Variants in ESRRG observed in about 807,000 individuals in gnomAD.
ESRRG encodes the protein estrogen-related receptor gamma.
ESRRG carries 13 observed loss-of-function variants against 44.0 expected under a neutral mutation model. The ratio of observed to expected loss-of-function variants is 0.30; its 90% confidence interval spans 0.19 to 0.47. The LOEUF is 0.47. Ranked by LOEUF, ESRRG falls within the 20% of genes least tolerant of loss-of-function variation. ESRRG has a pLI of 1.00. For synonymous variants in ESRRG, 215 were observed against 214.6 expected (o/e 1.00, Z -0.02); for missense variants, 395 against 580.6 (o/e 0.68, Z 3.29).
chr1:216,996,171 T>C (rs2150577622), intron 1 of ESRRG, among the ~76,000 whole-genome samples: 1 of 152,236 alleles, frequency 6.6e-6, no homozygotes, highest in East Asian at 1.9e-4. Flanking sequence ...GGGGGAATAG[T>C]CTAGGATAAT....
intron 2 of ESRRG, among the ~76,000 whole-genome samples, chr1:216,901,762 T>G (rs1451551809): frequency 2.0e-5 from 3 of 151,732 alleles, no homozygotes; most frequent in Non-Finnish European, 4.4e-5. Context: ...TACTGATACT[T>G]CTTTTATTTT....
chr1:216,765,318 T>C (rs2093020631), intron 2 of ESRRG, among the ~76,000 whole-genome samples: 1 of 151,930 alleles, frequency 6.6e-6, no homozygotes. Context: ...ATAATGGCTC[T>C]ATTTACTGAA....
intron 3 of ESRRG, among the ~76,000 whole-genome samples, chr1:216,604,734 C>T (rs2059699156): frequency 6.6e-6 from 1 of 152,202 alleles, no homozygotes; most frequent in Admixed American, 6.5e-5. Flanking sequence ...TAATACCTAG[C>T]ATTCACGCCC....
intron 1 of ESRRG, among the ~76,000 whole-genome samples, chr1:217,024,485 C>T (rs2080887316): frequency 6.6e-6 from 1 of 152,100 alleles, no homozygotes; most frequent in Non-Finnish European, 1.5e-5. Context: ...TCACCCCCTC[C>T]ACAGCCACCC....
intron 2 of ESRRG, among the ~76,000 whole-genome samples, chr1:216,838,723 GT>G (rs1559824328): frequency 1.3e-5 from 2 of 152,188 alleles, no homozygotes; most frequent in African/African-American, 4.8e-5. Context: ...AGTCAAGTGA[GT>G]TACAGGAATT....
At chr1:216,558,868 TTGTTTTTTTG>T (rs1390592951) in intron 5 of ESRRG, among the ~76,000 whole-genome samples, 4 of 151,968 alleles carry the variant, frequency 2.6e-5, no homozygotes, top group African/African-American at 9.7e-5. Context: ...TTTTTGTTTT[TTGTTTTTTTG>T]TTTTTTTTGC....
chr1:216,722,169 T>C (rs2086483204), intron 1 of ESRRG, among the ~76,000 whole-genome samples: 1 of 152,238 alleles, frequency 6.6e-6, no homozygotes, highest in African/African-American at 2.4e-5. Flanking sequence ...TAGAGTTTGA[T>C]ATTTTCTTCA....
At chr1:217,113,182 C>CT (rs2092679398) in intron 1 of ESRRG, among the ~76,000 whole-genome samples, 1 of 152,226 alleles carries the variant, frequency 6.6e-6, no homozygotes, top group East Asian at 1.9e-4. Flanking sequence ...CAGACATGGG[C>CT]TTTTTTCTGT....
At position 216,568,381 on chromosome 1, in the gene ESRRG, T is replaced by C. The variant is rs531269608; in HGVS notation, c.590-283A>G. Among the ~76,000 whole-genome samples, 6 of 152,336 alleles carry C rather than the reference T, an allele frequency of 3.9e-5. No individual in the cohort carries two copies. The East Asian group carries it at 9.7e-4, about 25-fold the overall frequency. ...AAAGGCAGATTTCCATGTAGATTAA[T>C]ACAAAGAAGCCGCTATTTGGTGCTA... On this transcript the variant is annotated intron_variant, in intron 3 of 6. Transcript: ENST00000408911.
At chr1:216,685,399 T>C (rs1160392991) in intron 1 of ESRRG, among the ~76,000 whole-genome samples, 1 of 152,246 alleles carries the variant, frequency 6.6e-6, no homozygotes, top group East Asian at 1.9e-4. Context: ...CTCCTACTTC[T>C]ACAAATCTCT....
chr1:216,796,407 A>T (rs1462576302), intron 2 of ESRRG, among the ~76,000 whole-genome samples: 1 of 152,152 alleles, frequency 6.6e-6, no homozygotes, highest in Non-Finnish European at 1.5e-5. Context: ...CTCAATAGCA[A>T]CAACAACAAT....
intron 2 of ESRRG, among the ~76,000 whole-genome samples, chr1:216,792,476 A>G (rs936861172): frequency 6.6e-6 from 1 of 152,174 alleles, no homozygotes; most frequent in African/African-American, 2.4e-5. Flanking sequence ...CGATTGCTTC[A>G]AAAACAACTA....
chr1:217,054,030 G>GAA lies in ESRRG; in HGVS notation c.-106+35475_-106+35476dup, dbSNP rs34225711. ...GCTGACATGTTTGGTTTTGAGCTCT[G>GAA]AAAAAAAAAAAAAGCCTCACTGGAA... On this transcript the variant is annotated intron_variant, in intron 1 of 7. Transcript: ENST00000359162. Among the ~76,000 whole-genome samples, 216 of 133,902 alleles carry GAA rather than the reference G, an allele frequency of 1.6e-3. 2 individuals are homozygous for GAA. The highest frequency in any genetic ancestry group is 2.8e-3 in the Non-Finnish European group (174 of 62,276). 87.8% of individuals were successfully genotyped at this position (133,902 alleles called of 152,430 possible). A position where few individuals can be genotyped will look rare whatever the true frequency, so the allele number is the denominator to read the frequency against.
At chr1:217,051,772 CT>C (rs1417707816) in intron 1 of ESRRG, among the ~76,000 whole-genome samples, 1 of 152,042 alleles carries the variant, frequency 6.6e-6, no homozygotes, top group Admixed American at 6.6e-5. Context: ...CCCCATACTC[CT>C]TTTTTTAAAG....
intron 1 of ESRRG, among the ~76,000 whole-genome samples, chr1:216,690,942 T>C (rs1316959331): frequency 6.6e-6 from 1 of 152,212 alleles, no homozygotes; most frequent in South Asian, 2.1e-4. Context: ...TAAAAACTTA[T>C]AAAATCCTTG....
intron 3 of ESRRG, among the ~76,000 whole-genome samples, chr1:216,595,572 G>C (rs568769852): frequency 1.8e-3 from 281 of 152,134 alleles, no homozygotes; most frequent in African/African-American, 6.6e-3. Context: ...TCTCGGAAAG[G>C]GTGCAGCACA....
At chr1:216,985,697 G>C (rs542622846) in intron 1 of ESRRG, 1 of 152,242 alleles carries the variant, frequency 6.6e-6, no homozygotes, top group Admixed American at 6.5e-5. Context: ...ATTTATGGTG[G>C]GGGACAGTCA....
intron 2 of ESRRG, among the ~76,000 whole-genome samples, chr1:216,816,733 G>T (rs772521509): frequency 4.6e-5 from 7 of 152,098 alleles, no homozygotes; most frequent in Non-Finnish European, 1.0e-4. Flanking sequence ...GAAGGGAAGA[G>T]AAATAAACGA....
At chr1:216,943,371 C>A (rs940444827) in intron 1 of ESRRG, among the ~76,000 whole-genome samples, 5 of 152,162 alleles carry the variant, frequency 3.3e-5, no homozygotes, top group African/African-American at 1.2e-4. Context: ...GTTGCAGGAA[C>A]CTTCTTAGAA....
Sources: gnomAD v4.1 joint callset for allele counts (sites outside exome capture counted in the v4.1 genomes callset) on GRCh38, gnomAD v4.1.1 for gene constraint, MANE v1.5 for transcripts, NCBI Gene and HGNC (gene_info 2026-07-23, HGNC 2026-07-21) for gene names.